SLC8A1: variants seen among roughly 807,000 people sequenced by gnomAD.
SLC8A1 encodes sodium/calcium exchanger 1.
SLC8A1 carries 18 observed loss-of-function variants against 68.3 expected under a neutral mutation model. That is an observed-to-expected ratio of 0.26 (90% CI 0.18 to 0.39). The LOEUF is 0.39. Among genes scored for constraint, SLC8A1 ranks in the 10% least tolerant of loss-of-function variants. The pLI is 1.00. For synonymous variants in SLC8A1, 475 were observed against 415.5 expected (o/e 1.14, Z -1.74); for missense variants, 985 against 1,156.7 (o/e 0.85, Z 2.15).
chr2:40,472,605 T>C (rs1328936706), intron 1 of SLC8A1, among the ~76,000 whole-genome samples: 1 of 152,164 alleles, frequency 6.6e-6, no homozygotes, highest in Non-Finnish European at 1.5e-5. Flanking sequence ...TTGCTTGAAG[T>C]AGTCCTTTTG....
chr2:40,430,969 G>T (rs1053023809), intron 1 of SLC8A1, among the ~76,000 whole-genome samples: 4 of 152,124 alleles, frequency 2.6e-5, no homozygotes, highest in Non-Finnish European at 5.9e-5. Flanking sequence ...TTGTTCTTGA[G>T]GAGAAAAAAA....
intron 4 of SLC8A1, among the ~76,000 whole-genome samples, chr2:40,166,199 G>A (rs1039228833): frequency 2.0e-5 from 3 of 152,150 alleles, no homozygotes; most frequent in African/African-American, 7.2e-5. Context: ...CCTGCTGAGG[G>A]ACCACGCTAT....
At chr2:40,230,277 G>C (rs1224796427) in intron 2 of SLC8A1, among the ~76,000 whole-genome samples, 1 of 152,084 alleles carries the variant, frequency 6.6e-6, no homozygotes, top group Non-Finnish European at 1.5e-5. Flanking sequence ...GAAATCCTTG[G>C]CTCCAAATAA....
At chr2:40,425,108 A>T (rs1696508802) in intron 2 of SLC8A1, among the ~76,000 whole-genome samples, 1 of 151,838 alleles carries the variant, frequency 6.6e-6, no homozygotes, top group Non-Finnish European at 1.5e-5. Context: ...TTGGTTTAGT[A>T]TGTGTCATTG....
At chr2:40,451,143 C>T (rs1861847) in intron 1 of SLC8A1, among the ~76,000 whole-genome samples, 1,851 of 152,286 alleles carry the variant, frequency 0.012, 41 homozygotes, top group African/African-American at 0.042. Context: ...AGGATATCTT[C>T]ACATCTCAGA....
chr2:40,213,868 C>T (rs977877706), intron 2 of SLC8A1, among the ~76,000 whole-genome samples: 2 of 152,148 alleles, frequency 1.3e-5, no homozygotes, highest in South Asian at 2.1e-4. Context: ...TCCAAATTTG[C>T]AAGCTGTGGC....
intron 3 of SLC8A1, chr2:40,176,073 T>G (rs2048423348): frequency 2.4e-6 from 1 of 413,116 alleles, no homozygotes; most frequent in Non-Finnish European, 4.8e-6. Context: ...TTATGTGCTT[T>G]AAGCCCAGAA....
intron 2 of SLC8A1, among the ~76,000 whole-genome samples, chr2:40,302,491 TATATC>T (rs1440644830): frequency 1.1e-4 from 17 of 150,466 alleles, no homozygotes; most frequent in South Asian, 2.1e-4. Context: ...ATGATACATA[TATATC>T]ATATATGTGT....
chr2:40,288,937 T>C (rs1029726242), intron 2 of SLC8A1, among the ~76,000 whole-genome samples: 4 of 150,438 alleles, frequency 2.7e-5, no homozygotes, highest in Non-Finnish European at 4.4e-5. Context: ...TAGCCTCAAG[T>C]GATCCTCCCA....
At chr2:40,276,443 T>A (rs1366253720) in intron 2 of SLC8A1, among the ~76,000 whole-genome samples, 1 of 152,214 alleles carries the variant, frequency 6.6e-6, no homozygotes, top group African/African-American at 2.4e-5. Context: ...AGATTTGGTA[T>A]ATTTTCCTCA....
chr2:40,337,317 G>T, intron 2 of SLC8A1: 2 of 352,150 alleles, frequency 5.7e-6, no homozygotes, highest in Non-Finnish European at 6.4e-6. Flanking sequence ...CATAAACAGT[G>T]ATATTGTTTT....
At chr2:40,396,840 T>C (rs1687146222) in intron 2 of SLC8A1, among the ~76,000 whole-genome samples, 1 of 150,226 alleles carries the variant, frequency 6.7e-6, no homozygotes, top group African/African-American at 2.5e-5. Flanking sequence ...ATGACAATTA[T>C]TCCAGTGATA....
At chr2:40,318,149 C>T (rs1369799676) in intron 2 of SLC8A1, among the ~76,000 whole-genome samples, 3 of 152,062 alleles carry the variant, frequency 2.0e-5, no homozygotes, top group East Asian at 3.9e-4. Flanking sequence ...CTTGCTGGAA[C>T]TGGGCTAAGT....
chr2:40,335,011 A>G (rs1259163138), intron 2 of SLC8A1, among the ~76,000 whole-genome samples: 1 of 152,106 alleles, frequency 6.6e-6, no homozygotes, highest in African/African-American at 2.4e-5. Context: ...CAAAAACTCT[A>G]CTGATATCAA....
chr2:40,119,197 A>T (rs1230691182), intron 7 of SLC8A1, among the ~76,000 whole-genome samples: 1 of 152,168 alleles, frequency 6.6e-6, no homozygotes, highest in African/African-American at 2.4e-5. Flanking sequence ...TGAATTTCCT[A>T]AGAGTTAATA....
intron 2 of SLC8A1, among the ~76,000 whole-genome samples, chr2:40,312,331 T>C (rs115391626): frequency 1.4e-3 from 216 of 152,240 alleles, no homozygotes; most frequent in African/African-American, 5.0e-3. Context: ...ACCAGGGTCA[T>C]CGTGATGCGC....
chr2:40,128,869 C>T (rs900558374), intron 7 of SLC8A1, among the ~76,000 whole-genome samples: 1 of 152,208 alleles, frequency 6.6e-6, no homozygotes, highest in East Asian at 1.9e-4. Flanking sequence ...AATTCTGACA[C>T]TATCATGTAG....
At chr2:40,218,740 CTAAT>C (rs1264152631) in intron 2 of SLC8A1, among the ~76,000 whole-genome samples, 1 of 144,172 alleles carries the variant, frequency 6.9e-6, no homozygotes. Flanking sequence ...AAAAAAAAAA[CTAAT>C]TAACATCCTT....
rs1000917688 is a variant in SLC8A1 at position 40,428,389 on chromosome 2, T to C, written c.1808+84A>G. 7.0e-6 allele frequency: 10 copies of C among 1,419,712 alleles called. No individual in the cohort carries two copies. The African/African-American group carries it at 1.0e-4, about 15-fold the overall frequency. 87.9% of individuals were successfully genotyped at this position (1,419,712 alleles called of 1,614,324 possible). On this transcript the variant is annotated intron_variant, in intron 2 of 7. Transcript: ENST00000406785. ...CTTGCATGCTATTTAATTTAAAAAA[T>C]GATGCACAGACTCACATTCATAAAC... is the stretch of plus-strand genomic sequence containing the variant.
Sources: gnomAD v4.1 joint callset for allele counts (sites outside exome capture counted in the v4.1 genomes callset) on GRCh38, gnomAD v4.1.1 for gene constraint, MANE v1.5 for transcripts, NCBI Gene and HGNC (gene_info 2026-07-23, HGNC 2026-07-21) for gene names.